CDH18: variants seen among roughly 807,000 people sequenced by gnomAD.
CDH18 encodes the protein cadherin 18.
CDH18 carries 31 observed loss-of-function variants against 67.9 expected under a neutral mutation model. The ratio of observed to expected loss-of-function variants is 0.46; its 90% CI spans 0.34 to 0.62. The LOEUF (loss-of-function observed/expected upper bound fraction) is 0.62, where lower values mean the gene tolerates loss of function less well. Among genes scored for constraint, CDH18 ranks in the 20% least tolerant of loss-of-function variants. CDH18 has a pLI of 0.01. For missense variants in CDH18, 890 were observed against 975.5 expected (o/e 0.91, Z 1.17); for synonymous variants, 362 against 347.2 (o/e 1.04, Z -0.48).
intron 1 of CDH18, chr5:20,304,651 G>A (rs1736260572): frequency 1.9e-6 from 3 of 1,611,694 alleles, no homozygotes; most frequent in Middle Eastern, 2.2e-4. Context: ...TGAGGCACTT[G>A]TCGCTCCTAG....
At chr5:19,851,980 G>T (rs547856978) in intron 2 of CDH18, among the ~76,000 whole-genome samples, 57 of 152,148 alleles carry the variant, frequency 3.7e-4, no homozygotes, top group African/African-American at 1.3e-3. Flanking sequence ...TTTTGTGTAC[G>T]TGGATAATTA....
At chr5:19,475,475 C>T (rs1738292632) in intron 12 of CDH18, among the ~76,000 whole-genome samples, 1 of 150,554 alleles carries the variant, frequency 6.6e-6, no homozygotes, top group Non-Finnish European at 1.5e-5. Flanking sequence ...ATTGCTTTCA[C>T]ATCCTTGTTA....
At chr5:19,505,451 G>A (rs1040450401) in intron 10 of CDH18, among the ~76,000 whole-genome samples, 15 of 152,000 alleles carry the variant, frequency 9.9e-5, no homozygotes, top group African/African-American at 3.6e-4. Flanking sequence ...ATTGGCTGTG[G>A]GTTTGTCATA....
At chr5:19,830,675 C>T (rs186097739) in intron 3 of CDH18, among the ~76,000 whole-genome samples, 9 of 152,152 alleles carry the variant, frequency 5.9e-5, no homozygotes, top group African/African-American at 2.2e-4. Flanking sequence ...CCCAGCAATC[C>T]AGGTATTGGG....
chr5:20,549,105 G>T (rs1003189180), intron 1 of CDH18, among the ~76,000 whole-genome samples: 2 of 152,078 alleles, frequency 1.3e-5, no homozygotes, highest in Non-Finnish European at 1.5e-5. Flanking sequence ...GTAACACCAG[G>T]CAAAAGAAAC....
At chr5:19,890,481 C>T (rs1579450468) in intron 2 of CDH18, among the ~76,000 whole-genome samples, 2 of 152,220 alleles carry the variant, frequency 1.3e-5, no homozygotes. Flanking sequence ...TGTCCAATGG[C>T]TAAGCTCCAT....
chr5:20,366,900 G>A (rs528226066), intron 1 of CDH18, among the ~76,000 whole-genome samples: 64 of 152,222 alleles, frequency 4.2e-4, no homozygotes, highest in African/African-American at 1.5e-3. Context: ...CTGGACTCTT[G>A]AACCAAGCTG....
chr5:19,638,606 T>C (rs985398907), intron 5 of CDH18, among the ~76,000 whole-genome samples: 16 of 151,808 alleles, frequency 1.1e-4, no homozygotes, highest in African/African-American at 3.9e-4. Flanking sequence ...TGGATGAGCA[T>C]GAGGTGGTAT....
chr5:19,835,463 G>C (rs939600118), intron 3 of CDH18, among the ~76,000 whole-genome samples: 2 of 151,298 alleles, frequency 1.3e-5, no homozygotes, highest in Admixed American at 6.6e-5. Flanking sequence ...CCTTTTTTTT[G>C]TTTGTTTGTT....
At chr5:19,567,886 G>A (rs6451324) in intron 8 of CDH18, among the ~76,000 whole-genome samples, 151,775 of 152,274 alleles carry the variant, frequency 1, 75,641 homozygotes, top group East Asian at 1. Context: ...AGTGCTCTCA[G>A]TGATATAGGA....
intron 2 of CDH18, among the ~76,000 whole-genome samples, chr5:19,975,104 G>A (rs2150346584): frequency 6.6e-6 from 1 of 152,186 alleles, no homozygotes; most frequent in Non-Finnish European, 1.5e-5. Context: ...GACTATGCAT[G>A]CACAAGTAAA....
intron 5 of CDH18, among the ~76,000 whole-genome samples, chr5:19,638,637 G>A (rs1753514354): frequency 6.6e-6 from 1 of 151,154 alleles, no homozygotes; most frequent in Admixed American, 6.6e-5. Flanking sequence ...AACAGTAGGA[G>A]GTTCCTGCCT....
chr5:19,845,628 A>G (rs1271382547), intron 2 of CDH18, among the ~76,000 whole-genome samples: 2 of 151,800 alleles, frequency 1.3e-5, no homozygotes, highest in African/African-American at 2.4e-5. Flanking sequence ...TTCTACTATT[A>G]TTGTATTATT....
intron 12 of CDH18, among the ~76,000 whole-genome samples, chr5:19,482,273 C>G (rs780661115): frequency 7.9e-5 from 12 of 151,958 alleles, no homozygotes; most frequent in African/African-American, 2.2e-4. Context: ...CTGCCACCAC[C>G]CCTGGCTAAT....
At chr5:20,162,179 G>A (rs1735941216) in intron 2 of CDH18, among the ~76,000 whole-genome samples, 1 of 151,538 alleles carries the variant, frequency 6.6e-6, no homozygotes, top group African/African-American at 2.4e-5. Flanking sequence ...ATGTCCTCAG[G>A]GCAAAAATCT....
intron 2 of CDH18, among the ~76,000 whole-genome samples, chr5:20,253,887 A>C (rs1282124169): frequency 6.6e-6 from 1 of 152,208 alleles, no homozygotes; most frequent in Non-Finnish European, 1.5e-5. Flanking sequence ...AATCCAACAA[A>C]TACAGAGAAG....
chr5:19,712,795 T>C (rs1027969072), intron 5 of CDH18, among the ~76,000 whole-genome samples: 8 of 151,678 alleles, frequency 5.3e-5, no homozygotes, highest in African/African-American at 1.7e-4. Flanking sequence ...AATATTCTAG[T>C]GCTTTCTAGA....
At chr5:20,064,778 T>G (rs1329420616) in intron 2 of CDH18, among the ~76,000 whole-genome samples, 2 of 152,236 alleles carry the variant, frequency 1.3e-5, no homozygotes, top group East Asian at 3.9e-4. Context: ...GTGAAGACAC[T>G]GAACATGCTC....
chr5:20,337,898 G>A (rs745660426), intron 1 of CDH18, among the ~76,000 whole-genome samples: 1 of 152,194 alleles, frequency 6.6e-6, no homozygotes, highest in African/African-American at 2.4e-5. Context: ...ACAGTTCCAC[G>A]TGGCTGGGGA....
Sources: allele counts gnomAD v4.1 joint callset (sites outside exome capture counted in the v4.1 genomes callset), GRCh38; gene constraint gnomAD v4.1.1; transcripts MANE v1.5; gene names NCBI Gene and HGNC (gene_info 2026-07-23, HGNC 2026-07-21).